Variants in NPR3 observed in about 807,000 individuals in gnomAD.
NPR3 encodes atrial natriuretic peptide receptor 3.
NPR3 carries 34 observed loss-of-function variants against 54.5 expected under a neutral mutation model. The ratio of observed to expected loss-of-function variants is 0.62; its 90% confidence interval spans 0.47 to 0.83. NPR3 has a LOEUF of 0.83. NPR3 is among the 40% of genes least tolerant of loss of function. The pLI, the probability that NPR3 is intolerant of heterozygous loss-of-function variation, is 0.00. For synonymous variants in NPR3, 289 were observed against 297.1 expected (o/e 0.97, Z 0.28); for missense variants, 674 against 720.8 (o/e 0.94, Z 0.74).
chr5:32,722,809 G>C (rs1738932457), intron 1 of NPR3, among the ~76,000 whole-genome samples: 1 of 152,078 alleles, frequency 6.6e-6, no homozygotes, highest in African/African-American at 2.4e-5. Flanking sequence ...ATAATTAGGA[G>C]TTTCTTTGAA....
upstream of NPR3, among the ~76,000 whole-genome samples, chr5:32,708,459 A>T (rs1242342604): frequency 6.6e-6 from 1 of 152,124 alleles, no homozygotes; most frequent in Non-Finnish European, 1.5e-5. Context: ...ATATATAAAA[A>T]TTTGATATAA....
intron 3 of NPR3, among the ~76,000 whole-genome samples, chr5:32,749,935 G>A (rs1740490843): frequency 6.6e-6 from 1 of 152,144 alleles, no homozygotes; most frequent in Non-Finnish European, 1.5e-5. Flanking sequence ...ATAATTATGA[G>A]AGCTCCTTAT....
chr5:32,789,434 T>C lies in NPR3; in HGVS notation c.*3089T>C. The C allele has an allele frequency of 1.9e-6, 1 of 531,094 alleles. No individual in the cohort carries two copies. Among genetic ancestry groups the C allele is most frequent in the Non-Finnish European group, 3.9e-6 (1 of 258,684 alleles). The allele number at this position is 531,094 out of a possible 1,614,324, so 32.9% of individuals were successfully genotyped here. A position where few individuals can be genotyped will look rare whatever the true frequency, so the allele number is the denominator to read the frequency against. On this transcript the variant is annotated 3_prime_UTR_variant, in exon 8 of 8. Transcript: ENST00000265074. Reference sequence around the variant, plus strand: ...GGTCCCTGAAAACATCACATTTCTCTGAAGAACCATCAACTTGTCTTTTCT... The same window carrying C: ...GGTCCCTGAAAACATCACATTTCTCCGAAGAACCATCAACTTGTCTTTTCT...
upstream of NPR3, chr5:32,710,534 A>G (rs985774668): frequency 9.2e-6 from 10 of 1,089,312 alleles, no homozygotes; most frequent in East Asian, 3.2e-5. Context: ...GTGAGCTGGG[A>G]CACTGTGACC....
chr5:32,717,366 C>T (rs1049328614), intron 1 of NPR3, among the ~76,000 whole-genome samples: 1 of 152,020 alleles, frequency 6.6e-6, no homozygotes, highest in South Asian at 2.1e-4. Flanking sequence ...GGGTATATAC[C>T]CAGTAATGGG....
At chr5:32,759,891 C>G (rs1741063894) in intron 3 of NPR3, among the ~76,000 whole-genome samples, 1 of 152,126 alleles carries the variant, frequency 6.6e-6, no homozygotes, top group Non-Finnish European at 1.5e-5. Context: ...ATATGAAATT[C>G]TGGGTTGAAA....
intron 1 of NPR3, among the ~76,000 whole-genome samples, chr5:32,715,675 C>G (rs1285338952): frequency 6.6e-6 from 1 of 152,134 alleles, no homozygotes; most frequent in Non-Finnish European, 1.5e-5. Flanking sequence ...ATTCCACACA[C>G]TTAACAATAA....
At position 32,788,078 on chromosome 5, in the gene NPR3, C is replaced by T. The variant is rs1147225; in HGVS notation, c.*1733C>T. On this transcript the variant is annotated 3_prime_UTR_variant, in exon 8 of 8. Coordinates refer to ENST00000265074, the MANE Select transcript of NPR3 (RefSeq NM_001204375.2). ...GTGTGAGTGCTTCCCTGGAGAAGTC[C>T]GCTTCTGTTGCTCCCACCTGAGTCA... The T allele has an allele frequency of 0.44, 67,583 of 151,956 alleles. 15,248 individuals carry two copies. Among genetic ancestry groups the T allele is most frequent in the East Asian group, 0.65 (3,329 of 5,160 alleles). The allele number at this position is 151,956 out of a possible 1,614,324, so 9.4% of individuals were successfully genotyped here.
At chr5:32,728,677 C>T (rs1207844001) in intron 2 of NPR3, among the ~76,000 whole-genome samples, 1 of 151,098 alleles carries the variant, frequency 6.6e-6, no homozygotes, top group East Asian at 1.9e-4. Flanking sequence ...TTTTGGACAA[C>T]TTTAAAAGAC....
At position 32,724,708 on chromosome 5, in the gene NPR3, G is replaced by A; in HGVS notation, c.780G>A (p.Met260Ile). The change falls in exon 2 of 8, where the codon ATG (methionine) becomes ATA (isoleucine). Residue 260 changes from methionine to isoleucine, a missense_variant. By Grantham distance (10) the Met-to-Ile change is conservative. Transcript: ENST00000265074. ...NIQASERVVI[M>I]CASSDTIRSI... ...TTGTTCCTCCCCTAGTGGTGATCAT[G>A]TGTGCGAGCAGTGACACCATCCGGA... 6.8e-6 allele frequency: 11 copies of A among 1,613,964 alleles called. No individual in the cohort carries two copies. Among genetic ancestry groups the A allele is most frequent in the South Asian group, 1.1e-5 (1 of 91,078 alleles).
chr5:32,753,007 G>A (rs989426429), intron 3 of NPR3, among the ~76,000 whole-genome samples: 36 of 152,102 alleles, frequency 2.4e-4, no homozygotes, highest in Admixed American at 1.8e-3. Context: ...TTGTTTGATC[G>A]TAAATAAGTA....
intron 3 of NPR3, 116 bp from the exon 4 acceptor site, chr5:32,774,592 C>T: frequency 5.2e-6 from 4 of 772,436 alleles, no homozygotes; most frequent in Non-Finnish European, 9.2e-6. Context: ...TTCTGCCCAC[C>T]TCTGCCATGG....
intron 7 of NPR3, among the ~76,000 whole-genome samples, chr5:32,785,772 A>G (rs2112079513): frequency 6.6e-6 from 1 of 152,254 alleles, no homozygotes; most frequent in East Asian, 1.9e-4. Context: ...ATTCCTTTGT[A>G]ATCTTTGGTG....
At chr5:32,736,627 T>A (rs938321279) in intron 2 of NPR3, among the ~76,000 whole-genome samples, 1 of 152,208 alleles carries the variant, frequency 6.6e-6, no homozygotes, top group African/African-American at 2.4e-5. Context: ...TTCTTAGAAT[T>A]TGGGGTCTTC....
intron 1 of NPR3, among the ~76,000 whole-genome samples, chr5:32,697,424 T>C (rs1474494467): frequency 6.6e-6 from 1 of 151,106 alleles, no homozygotes; most frequent in East Asian, 1.9e-4. Context: ...TCGTCAGAGA[T>C]ATTGGCCTGT....
chr5:32,789,427 A>T lies in NPR3; in HGVS notation c.*3082A>T. On this transcript the variant is annotated 3_prime_UTR_variant, in exon 8 of 8. Coordinates refer to ENST00000265074, the MANE Select transcript of NPR3 (RefSeq NM_001204375.2). Reference sequence around the variant, plus strand: ...ATGAGAAGGTCCCTGAAAACATCACATTTCTCTGAAGAACCATCAACTTGT... The same window carrying T: ...ATGAGAAGGTCCCTGAAAACATCACTTTTCTCTGAAGAACCATCAACTTGT... 1 of 529,464 alleles carries T rather than the reference A, an allele frequency of 1.9e-6. No homozygotes were observed. Among genetic ancestry groups the T allele is most frequent in the South Asian group, 1.4e-5 (1 of 70,742 alleles). The allele number at this position is 529,464 out of a possible 1,614,324, so 32.8% of individuals were successfully genotyped here. A position where few individuals can be genotyped will look rare whatever the true frequency, so the allele number is the denominator to read the frequency against.
intron 3 of NPR3, among the ~76,000 whole-genome samples, chr5:32,759,974 C>T (rs181425960): frequency 9.0e-4 from 137 of 152,122 alleles, no homozygotes; most frequent in African/African-American, 3.0e-3. Flanking sequence ...CTGAGAGATT[C>T]GCTGTTAGTC....
Position 32,776,949 on chromosome 5 carries a change from C to A in NPR3, c.1195+2106C>A, listed in dbSNP as rs59641651. ...AGAGACCCGAGGGAAGTGAGGGAAGCTCTGTAGATGTTTAGGAGAGATCAC... is the reference window on the plus strand; with the variant it reads ...AGAGACCCGAGGGAAGTGAGGGAAGATCTGTAGATGTTTAGGAGAGATCAC... On this transcript the variant is annotated intron_variant, in intron 4 of 7. Coordinates refer to ENST00000265074, the MANE Select transcript of NPR3 (RefSeq NM_001204375.2). Among the ~76,000 whole-genome samples, 6 of 152,204 alleles carry A rather than the reference C, an allele frequency of 3.9e-5. No individual in the cohort carries two copies. The East Asian group carries it at 1.2e-3, about 29-fold the overall frequency.
At chr5:32,710,894 ATGTGTGTG>A (rs34939454), upstream of NPR3, 487 of 509,822 alleles carry the variant, frequency 9.6e-4, 4 homozygotes, top group Middle Eastern at 6.9e-3. Flanking sequence ...GTGTGTGTAT[ATGTGTGTG>A]TGTGTGTGTG....
Sources: allele counts gnomAD v4.1 joint callset (sites outside exome capture counted in the v4.1 genomes callset), GRCh38; gene constraint gnomAD v4.1.1; transcripts MANE v1.5; gene names NCBI Gene and HGNC (gene_info 2026-07-23, HGNC 2026-07-21).